SUGCT: variants seen among roughly 807,000 people sequenced by gnomAD.
The protein encoded by SUGCT is succinyl-CoA:glutarate-CoA transferase.
Under a neutral mutation model 55.0 loss-of-function variants are expected in SUGCT, and 41 were observed. That is an observed-to-expected ratio of 0.74 (90% CI 0.58 to 0.97). The LOEUF is 0.97. SUGCT is among the 50% of genes least tolerant of loss of function. The pLI is 0.00. For missense variants in SUGCT, 568 were observed against 547.8 expected, an observed-to-expected ratio of 1.04 and a Z score of -0.37; for synonymous variants, 187 against 200.4, an observed-to-expected ratio of 0.93 and a Z score of 0.56.
intron 9 of SUGCT, among the ~76,000 whole-genome samples, chr7:40,421,658 A>AT (rs1787314791): frequency 6.6e-6 from 1 of 152,212 alleles, no homozygotes; most frequent in Admixed American, 6.5e-5. Context: ...AAAGAGAGCA[A>AT]TTTACAACCA....
At chr7:40,215,447 C>CT in intron 6 of SUGCT, among the ~76,000 whole-genome samples, 1 of 152,292 alleles carries the variant, frequency 6.6e-6, no homozygotes, top group East Asian at 1.9e-4. Flanking sequence ...GAACCACCCA[C>CT]TCTCCTCTTG....
At chr7:40,327,022 G>A (rs548061177) in intron 9 of SUGCT, among the ~76,000 whole-genome samples, 9 of 152,288 alleles carry the variant, frequency 5.9e-5, no homozygotes, top group Admixed American at 4.6e-4. Context: ...GAAAGAGTAG[G>A]TGATAGCAAA....
At chr7:40,671,785 A>G (rs1223281263) in intron 12 of SUGCT, among the ~76,000 whole-genome samples, 7 of 152,220 alleles carry the variant, frequency 4.6e-5, no homozygotes, top group African/African-American at 1.2e-4. Flanking sequence ...AAATTCATAT[A>G]TAAGTTTCAT....
At chr7:40,555,523 C>T (rs1341997950) in intron 12 of SUGCT, among the ~76,000 whole-genome samples, 2 of 152,018 alleles carry the variant, frequency 1.3e-5, no homozygotes, top group African/African-American at 4.8e-5. Context: ...CTTTCACAGG[C>T]CCATGATCCT....
chr7:40,742,845 T>C (rs535148550), intron 12 of SUGCT, among the ~76,000 whole-genome samples: 1 of 152,342 alleles, frequency 6.6e-6, no homozygotes, highest in African/African-American at 2.4e-5. Context: ...CTTTCAAATA[T>C]TATTCCAAGG....
the SUGCT span, among the ~76,000 whole-genome samples, chr7:40,969,231 AC>A: frequency 6.6e-6 from 1 of 152,146 alleles, no homozygotes; most frequent in African/African-American, 2.4e-5. Flanking sequence ...GACCTTTCAA[AC>A]CCTTTCTGGA....
chr7:40,313,492 AT>A (rs1795269322), intron 8 of SUGCT, among the ~76,000 whole-genome samples: 1 of 152,176 alleles, frequency 6.6e-6, no homozygotes, highest in African/African-American at 2.4e-5. Context: ...TTACTTTCAG[AT>A]TGGTAATACC....
intron 9 of SUGCT, among the ~76,000 whole-genome samples, chr7:40,418,558 C>T (rs1038191780): frequency 3.6e-4 from 55 of 152,302 alleles, no homozygotes; most frequent in African/African-American, 1.3e-3. Flanking sequence ...TAGTCAGGCA[C>T]AGGCTAACTG....
the SUGCT span, among the ~76,000 whole-genome samples, chr7:40,984,565 A>G: frequency 6.6e-6 from 1 of 152,158 alleles, no homozygotes; most frequent in Non-Finnish European, 1.5e-5. Context: ...TCGGGCAGAT[A>G]GGACTTGTTT....
At chr7:40,866,535 C>T in the SUGCT span, among the ~76,000 whole-genome samples, 14 of 150,804 alleles carry the variant, frequency 9.3e-5, no homozygotes, top group Middle Eastern at 0.017. Flanking sequence ...CTTGCAATGG[C>T]ATTGACACAG....
intron 1 of SUGCT, among the ~76,000 whole-genome samples, chr7:40,139,075 G>A (rs917446520): frequency 4.0e-5 from 6 of 151,534 alleles, no homozygotes; most frequent in Admixed American, 2.0e-4. Flanking sequence ...GGAGTGAGCC[G>A]AGATTGCCCA....
intron 12 of SUGCT, among the ~76,000 whole-genome samples, chr7:40,659,265 C>A (rs768912205): frequency 2.6e-5 from 4 of 152,084 alleles, no homozygotes; most frequent in Non-Finnish European, 4.4e-5. Context: ...CTCATGAGGT[C>A]ACAGTTAGAT....
At chr7:40,764,062 A>G (rs1289449737) in intron 13 of SUGCT, among the ~76,000 whole-genome samples, 1 of 152,182 alleles carries the variant, frequency 6.6e-6, no homozygotes, top group African/African-American at 2.4e-5. Flanking sequence ...AGGCTCAATT[A>G]GAAAGTGGAA....
chr7:40,343,878 G>A (rs1425283877), intron 9 of SUGCT, among the ~76,000 whole-genome samples: 1 of 152,038 alleles, frequency 6.6e-6, no homozygotes, highest in African/African-American at 2.4e-5. Flanking sequence ...GGATGGTCTC[G>A]ATCTCCTGAC....
intron 12 of SUGCT, among the ~76,000 whole-genome samples, chr7:40,699,338 G>A (rs933282388): frequency 1.3e-5 from 2 of 152,082 alleles, no homozygotes; most frequent in African/African-American, 4.8e-5. Flanking sequence ...GGTGGAGAGC[G>A]AGTAGGTTTG....
chr7:40,647,893 C>A (rs1228073907), intron 12 of SUGCT, among the ~76,000 whole-genome samples: 1 of 152,052 alleles, frequency 6.6e-6, no homozygotes, highest in Non-Finnish European at 1.5e-5. Flanking sequence ...TGACTGTAAA[C>A]CCAGTCATTG....
chr7:40,799,710 T>G (rs1203572), intron 13 of SUGCT, among the ~76,000 whole-genome samples: 11,025 of 152,184 alleles, frequency 0.072, 1,326 homozygotes, highest in African/African-American at 0.25. Context: ...TTTATTAAAT[T>G]TGTCAGTTGA....
At chr7:40,141,637 CAAA>C (rs58487461) in intron 1 of SUGCT, among the ~76,000 whole-genome samples, 2 of 57,140 alleles carry the variant, frequency 3.5e-5, no homozygotes. Flanking sequence ...GACTCCATCT[CAAA>C]AAAAAAAAAA....
At chr7:40,900,998 A>C in the SUGCT span, among the ~76,000 whole-genome samples, 1 of 152,192 alleles carries the variant, frequency 6.6e-6, no homozygotes, top group Non-Finnish European at 1.5e-5. Flanking sequence ...GTTTGGATGG[A>C]TGTGTATGTG....
Sources: gnomAD v4.1 joint callset for allele counts (sites outside exome capture counted in the v4.1 genomes callset) on GRCh38, gnomAD v4.1.1 for gene constraint, MANE v1.5 for transcripts, NCBI Gene and HGNC (gene_info 2026-07-23, HGNC 2026-07-21) for gene names.